The following TEAD1 variants were observed in gnomAD, a reference collection of about 807,000 sequenced individuals.
TEAD1 encodes TEA domain transcription factor 1, also known as transcriptional enhancer factor TEF-1.
Under a neutral mutation model 54.9 loss-of-function variants are expected in TEAD1, and 9 were observed. The ratio of observed to expected loss-of-function variants is 0.16; its 90% CI spans 0.10 to 0.29. The LOEUF (loss-of-function observed/expected upper bound fraction) is 0.29, where lower values mean the gene tolerates loss of function less well. TEAD1 is among the 10% of genes least tolerant of loss of function. The pLI is 1.00. For synonymous variants in TEAD1, 200 were observed against 187.8 expected (o/e 1.07, Z -0.53); for missense variants, 387 against 535.9 (o/e 0.72, Z 2.74).
intron 12 of TEAD1, among the ~76,000 whole-genome samples, chr11:12,933,321 A>C (rs1306942334): frequency 6.6e-6 from 1 of 152,234 alleles, no homozygotes; most frequent in Non-Finnish European, 1.5e-5. Context: ...TAGAATTAAT[A>C]GTTTAGTTTT....
At chr11:12,736,911 C>T (rs1001141451) in intron 2 of TEAD1, among the ~76,000 whole-genome samples, 14 of 151,990 alleles carry the variant, frequency 9.2e-5, no homozygotes, top group African/African-American at 3.1e-4. Context: ...TAGAAATAGT[C>T]TTCTTCTTTG....
chr11:12,698,692 G>C (rs918753229), intron 2 of TEAD1, among the ~76,000 whole-genome samples: 4 of 152,102 alleles, frequency 2.6e-5, no homozygotes, highest in Non-Finnish European at 4.4e-5. Flanking sequence ...TTAGGTCTCA[G>C]CATGTCCTGG....
intron 9 of TEAD1, among the ~76,000 whole-genome samples, chr11:12,890,557 C>T (rs3937603): frequency 0.43 from 65,081 of 152,008 alleles, 14,362 homozygotes; most frequent in East Asian, 0.76. Flanking sequence ...CTTAAGTGGA[C>T]ATAACAGGAT....
intron 2 of TEAD1, among the ~76,000 whole-genome samples, chr11:12,688,502 C>G (rs1943382097): frequency 6.6e-6 from 1 of 152,136 alleles, no homozygotes; most frequent in Admixed American, 6.5e-5. Flanking sequence ...TTGCTTGTAC[C>G]TTCTTAGTCT....
At position 12,902,068 on chromosome 11, in the gene TEAD1, G is replaced by A; in HGVS notation, c.828G>A (p.Leu276=). Residue 276 remains leucine, a synonymous_variant, in exon 10 of 13, where the codon CTG becomes CTA. Coordinates refer to ENST00000527636, the MANE Select transcript of TEAD1 (RefSeq NM_021961.6). ...AAAAGAAAGGTGGCTTAAAGGAACT[G>A]TTTGGAAAGGGCCCTCAAAATGCCT... The A allele has an allele frequency of 6.2e-7, 1 of 1,614,240 alleles. No homozygotes were observed. The highest frequency in any genetic ancestry group is 8.5e-7 in the Non-Finnish European group (1 of 1,180,042).
At chr11:12,754,073 C>T (rs1301064201) in intron 2 of TEAD1, among the ~76,000 whole-genome samples, 3 of 152,188 alleles carry the variant, frequency 2.0e-5, no homozygotes, top group Admixed American at 6.5e-5. Flanking sequence ...ATTCTCTAAT[C>T]TGATTCCTTG....
intron 2 of TEAD1, among the ~76,000 whole-genome samples, chr11:12,729,379 A>G (rs1398973281): frequency 2.0e-5 from 3 of 152,184 alleles, no homozygotes. Flanking sequence ...GACAGTGTCT[A>G]AGAATCTGCA....
At chr11:12,926,118 T>C (rs1170052079) in intron 11 of TEAD1, among the ~76,000 whole-genome samples, 3 of 152,202 alleles carry the variant, frequency 2.0e-5, no homozygotes, top group African/African-American at 7.2e-5. Context: ...AGTGAGCAGT[T>C]TTTATTTGCA....
At chr11:12,803,137 C>T (rs954152837) in intron 3 of TEAD1, among the ~76,000 whole-genome samples, 1 of 150,540 alleles carries the variant, frequency 6.6e-6, no homozygotes, top group Non-Finnish European at 1.5e-5. Flanking sequence ...AACTGCTGTT[C>T]TCTCCACCAA....
intron 3 of TEAD1, among the ~76,000 whole-genome samples, chr11:12,860,102 A>G (rs754867702): frequency 2.6e-5 from 4 of 152,202 alleles, no homozygotes; most frequent in African/African-American, 9.7e-5. Context: ...ATAACAAAGT[A>G]ACACAGGAGG....
At chr11:12,792,711 A>G (rs1487813661) in intron 3 of TEAD1, among the ~76,000 whole-genome samples, 1 of 152,176 alleles carries the variant, frequency 6.6e-6, no homozygotes, top group African/African-American at 2.4e-5. Flanking sequence ...ATTACATGAG[A>G]TATATAGTAA....
intron 1 of TEAD1, among the ~76,000 whole-genome samples, 170 bp downstream of exon 1, chr11:12,675,004 G>A (rs1564902744): frequency 6.9e-6 from 1 of 145,826 alleles, no homozygotes; most frequent in Admixed American, 6.8e-5. Context: ...GCCTCCCCGC[G>A]CCCCCTCCGA....
At chr11:12,832,213 T>TG (rs1386895504) in intron 3 of TEAD1, among the ~76,000 whole-genome samples, 1 of 152,228 alleles carries the variant, frequency 6.6e-6, no homozygotes, top group East Asian at 1.9e-4. Context: ...CTTCATAATT[T>TG]GGGGGCCTAT....
At chr11:12,725,350 T>C (rs905597575) in intron 2 of TEAD1, among the ~76,000 whole-genome samples, 1 of 152,206 alleles carries the variant, frequency 6.6e-6, no homozygotes, top group Non-Finnish European at 1.5e-5. Flanking sequence ...AATGAAACTT[T>C]TTCTGCATAA....
chr11:12,835,476 A>AT (rs397971557), intron 3 of TEAD1, among the ~76,000 whole-genome samples: 4,680 of 139,692 alleles, frequency 0.034, 239 homozygotes, highest in African/African-American at 0.11. Flanking sequence ...CACCCGGCTA[A>AT]TTTTTTTTTT....
At chr11:12,863,537 A>G (rs2134069334) in intron 4 of TEAD1, among the ~76,000 whole-genome samples, 1 of 152,328 alleles carries the variant, frequency 6.6e-6, no homozygotes, top group African/African-American at 2.4e-5. Context: ...GCTCAAAGAC[A>G]AAGTTAAAGA....
At chr11:12,836,532 G>A (rs759235849) in intron 3 of TEAD1, among the ~76,000 whole-genome samples, 4 of 152,168 alleles carry the variant, frequency 2.6e-5, no homozygotes, top group Admixed American at 6.5e-5. Context: ...AACTGGAATC[G>A]TTATGTTGCG....
intron 9 of TEAD1, among the ~76,000 whole-genome samples, chr11:12,891,357 G>T (rs1232856242): frequency 6.6e-6 from 1 of 152,166 alleles, no homozygotes; most frequent in Non-Finnish European, 1.5e-5. Context: ...GAGAGCAGGG[G>T]CTGGAGGAAA....
intron 2 of TEAD1, among the ~76,000 whole-genome samples, chr11:12,722,615 C>T (rs946717660): frequency 2.0e-5 from 3 of 151,180 alleles, no homozygotes; most frequent in Admixed American, 6.6e-5. Flanking sequence ...TGAGTTGAGT[C>T]GCTGCATATA....
Sources: allele counts gnomAD v4.1 joint callset (sites outside exome capture counted in the v4.1 genomes callset), GRCh38; gene constraint gnomAD v4.1.1; transcripts MANE v1.5; gene names NCBI Gene and HGNC (gene_info 2026-07-23, HGNC 2026-07-21).